The following SLC9A8 variants were observed in gnomAD, a reference collection of about 807,000 sequenced individuals.
The protein encoded by SLC9A8 is sodium/hydrogen exchanger 8.
Under a neutral mutation model 66.6 loss-of-function variants are expected in SLC9A8, and 48 were observed. The ratio of observed to expected loss-of-function variants is 0.72; its 90% CI spans 0.57 to 0.92. The LOEUF is 0.92. Ranked by LOEUF, SLC9A8 falls within the 40% of genes least tolerant of loss-of-function variation. The pLI is 0.00. For synonymous variants in SLC9A8, 274 were observed against 282.6 expected (o/e 0.97, Z 0.31); for missense variants, 599 against 747.3 (o/e 0.80, Z 2.31).
chr20:49,843,618 A>G (rs2087857247), intron 4 of SLC9A8, among the ~76,000 whole-genome samples: 2 of 152,204 alleles, frequency 1.3e-5, no homozygotes, highest in Admixed American at 1.3e-4. Flanking sequence ...ACCAATATAT[A>G]TTTCCCCAAA....
intron 10 of SLC9A8, among the ~76,000 whole-genome samples, chr20:49,874,277 G>T (rs956375769): frequency 5.3e-5 from 8 of 151,692 alleles, no homozygotes; most frequent in South Asian, 2.1e-4. Context: ...AAAAAAGGGT[G>T]GGGGGGTAGT....
At chr20:49,882,254 C>T (rs1468118554) in intron 13 of SLC9A8, among the ~76,000 whole-genome samples, 1 of 152,250 alleles carries the variant, frequency 6.6e-6, no homozygotes, top group African/African-American at 2.4e-5. Flanking sequence ...CACTTCTTCA[C>T]CGCCTGTCCA....
At chr20:49,820,496 G>A (rs530694183) in intron 2 of SLC9A8, among the ~76,000 whole-genome samples, 10 of 151,358 alleles carry the variant, frequency 6.6e-5, no homozygotes, top group Non-Finnish European at 1.3e-4. Flanking sequence ...ACTCTGTCTC[G>A]GGGAAAAAAA....
chr20:49,885,570 G>C (rs2146785093), intron 14 of SLC9A8, among the ~76,000 whole-genome samples: 1 of 152,388 alleles, frequency 6.6e-6, no homozygotes, highest in Non-Finnish European at 1.5e-5. Flanking sequence ...CAAGTTGCCA[G>C]GTGGTGCTGC....
chr20:49,858,672 A>G (rs1258252157), intron 8 of SLC9A8, among the ~76,000 whole-genome samples: 1 of 151,966 alleles, frequency 6.6e-6, no homozygotes, highest in African/African-American at 2.4e-5. Flanking sequence ...GAAACCCAAG[A>G]TGGGGCCAGG....
intron 3 of SLC9A8, among the ~76,000 whole-genome samples, chr20:49,835,349 G>T (rs1040278942): frequency 6.6e-6 from 1 of 152,084 alleles, no homozygotes; most frequent in Non-Finnish European, 1.5e-5. Flanking sequence ...TAAAAAAAAG[G>T]TACAATATAA....
intron 7 of SLC9A8, among the ~76,000 whole-genome samples, chr20:49,855,166 A>G (rs568383664): frequency 1.3e-5 from 2 of 152,258 alleles, no homozygotes; most frequent in South Asian, 2.1e-4. Context: ...TATCTAAGCA[A>G]AAGTCTCCCT....
chr20:49,824,621 T>G (rs922333112), intron 3 of SLC9A8, among the ~76,000 whole-genome samples: 1 of 152,232 alleles, frequency 6.6e-6, no homozygotes, highest in Admixed American at 6.5e-5. Context: ...TCCTCATGTT[T>G]CTTGAATGTC....
chr20:49,821,762 C>T (rs182104185), intron 2 of SLC9A8, among the ~76,000 whole-genome samples: 3 of 152,096 alleles, frequency 2.0e-5, no homozygotes, highest in Admixed American at 2.0e-4. Flanking sequence ...TGTGAAGTAC[C>T]CATTTTTTTT....
intron 1 of SLC9A8, among the ~76,000 whole-genome samples, chr20:49,814,060 T>C (rs2086458130): frequency 6.6e-6 from 1 of 152,218 alleles, no homozygotes; most frequent in Non-Finnish European, 1.5e-5. Context: ...TGATAACTTT[T>C]CAAATATATT....
chr20:49,872,775 G>A (rs570221887), intron 10 of SLC9A8, among the ~76,000 whole-genome samples: 6 of 152,208 alleles, frequency 3.9e-5, no homozygotes, highest in Non-Finnish European at 7.4e-5. Context: ...ATGAGCCACC[G>A]CGCCCGGCCG....
At chr20:49,819,420 G>T (rs1218158011) in intron 2 of SLC9A8, among the ~76,000 whole-genome samples, 1 of 152,062 alleles carries the variant, frequency 6.6e-6, no homozygotes, top group African/African-American at 2.4e-5. Flanking sequence ...AATAATACAT[G>T]TTTGGAGTTG....
intron 2 of SLC9A8, among the ~76,000 whole-genome samples, chr20:49,821,892 T>G (rs2086751852): frequency 6.6e-6 from 1 of 152,204 alleles, no homozygotes. Flanking sequence ...TTTTGGAGAT[T>G]GAGGAATGAA....
chr20:49,863,163 T>C, intron 9 of SLC9A8, 96 bp downstream of exon 9: 1 of 1,170,028 alleles, frequency 8.5e-7, no homozygotes, highest in East Asian at 2.5e-5. Flanking sequence ...GGGCCAATTT[T>C]AGATGAAGAT....
rs764768458 is a variant in SLC9A8 at position 49,849,606 on chromosome 20, A to G, written c.460A>G (p.Ile154Val). 7 of 1,613,758 alleles carry G rather than the reference A, an allele frequency of 4.3e-6. No individual in the cohort carries two copies. Among genetic ancestry groups the G allele is most frequent in the African/African-American group, 4.0e-5 (3 of 74,904 alleles). ...TAACTTCTTTCAAAATATTGGTTCC[A>G]TCACCCTGTTTGCTGTTTTTGGGAC... ...KGNFFQNIGS[I>V]TLFAVFGTAI... Residue 154 changes from isoleucine (I) to valine (V), a missense_variant, in exon 6 of 16, where the codon ATC becomes GTC. Physicochemically the swap from Ile to Val is conservative, Grantham distance 29. Transcript: ENST00000361573.
At chr20:49,879,799 CAA>C (rs3091549) in intron 12 of SLC9A8, among the ~76,000 whole-genome samples, 21,747 of 143,888 alleles carry the variant, frequency 0.15, 2,763 homozygotes, top group African/African-American at 0.36. Context: ...CACTCCATCT[CAA>C]AAAAAAAAAA....
chr20:49,878,725 G>T (rs1414188319), intron 12 of SLC9A8, among the ~76,000 whole-genome samples: 2 of 152,140 alleles, frequency 1.3e-5, no homozygotes, highest in East Asian at 3.8e-4. Context: ...TTTACAGAAA[G>T]TATAATAGCC....
chr20:49,833,368 A>G (rs1335714104), intron 3 of SLC9A8, among the ~76,000 whole-genome samples: 7 of 152,088 alleles, frequency 4.6e-5, no homozygotes, highest in Admixed American at 4.6e-4. Context: ...TCAGAATAGG[A>G]TTGTGTGATA....
chr20:49,830,233 T>A, intron 3 of SLC9A8: 1 of 901,064 alleles, frequency 1.1e-6, no homozygotes, highest in South Asian at 1.3e-5. Context: ...GACAAAAAGA[T>A]GGGATTTGGG....
Sources: allele counts gnomAD v4.1 joint callset (sites outside exome capture counted in the v4.1 genomes callset), GRCh38; gene constraint gnomAD v4.1.1; transcripts MANE v1.5; gene names NCBI Gene and HGNC (gene_info 2026-07-23, HGNC 2026-07-21).